The following CTNND2 variants were observed in gnomAD, a reference collection of about 807,000 sequenced individuals.
The protein encoded by CTNND2 is catenin delta-2.
A neutral mutation model predicts 144.4 loss-of-function variants in CTNND2; 22 were observed. That is an observed-to-expected ratio of 0.15 (90% CI 0.11 to 0.22). The LOEUF is 0.22. Among genes scored for constraint, CTNND2 ranks in the 10% least tolerant of loss-of-function variants. The pLI, the probability that CTNND2 is intolerant of heterozygous loss-of-function variation, is 1.00. For synonymous variants in CTNND2, 751 were observed against 695.6 expected (o/e 1.08, Z -1.25); for missense variants, 1,353 against 1,618.8 (o/e 0.84, Z 2.82).
intron 9 of CTNND2, among the ~76,000 whole-genome samples, chr5:11,318,183 C>A (rs1751694622): frequency 6.6e-6 from 1 of 152,102 alleles, no homozygotes; most frequent in South Asian, 2.1e-4. Flanking sequence ...GAACCACCAC[C>A]TTCCCTCTGT....
intron 7 of CTNND2, among the ~76,000 whole-genome samples, chr5:11,368,059 G>A (rs1342840747): frequency 1.3e-5 from 2 of 152,104 alleles, no homozygotes; most frequent in African/African-American, 2.4e-5. Flanking sequence ...TATACAATGC[G>A]TTTCTGAAAA....
chr5:11,286,067 T>A (rs1261637745), intron 9 of CTNND2, among the ~76,000 whole-genome samples: 3 of 150,868 alleles, frequency 2.0e-5, no homozygotes, highest in African/African-American at 2.4e-5. Context: ...AAAAAACAGA[T>A]CCCTACCTCA....
intron 9 of CTNND2, among the ~76,000 whole-genome samples, chr5:11,332,486 A>G (rs1753278906): frequency 1.3e-5 from 2 of 152,144 alleles, no homozygotes; most frequent in Admixed American, 1.3e-4. Context: ...GGTAAAATAT[A>G]CATAACATAA....
chr5:11,317,275 C>T (rs1751610481), intron 9 of CTNND2, among the ~76,000 whole-genome samples: 1 of 152,178 alleles, frequency 6.6e-6, no homozygotes, highest in East Asian at 1.9e-4. Context: ...CTCAGTCTTA[C>T]CCTAGATACC....
At chr5:11,676,777 T>C (rs967343957) in intron 2 of CTNND2, among the ~76,000 whole-genome samples, 2 of 152,210 alleles carry the variant, frequency 1.3e-5, no homozygotes, top group African/African-American at 4.8e-5. Context: ...TTTTACGTTC[T>C]ACTGCAGTTC....
At chr5:11,718,881 T>C (rs530209450) in intron 2 of CTNND2, among the ~76,000 whole-genome samples, 16 of 152,266 alleles carry the variant, frequency 1.1e-4, no homozygotes, top group African/African-American at 2.2e-4. Context: ...AGATTCACCA[T>C]TGGATTTCCT....
intron 16 of CTNND2, among the ~76,000 whole-genome samples, chr5:11,060,241 T>C (rs1218045034): frequency 6.6e-6 from 1 of 152,172 alleles, no homozygotes; most frequent in East Asian, 1.9e-4. Context: ...TTTCCATTCA[T>C]TTTCATTATA....
chr5:11,805,519 A>G (rs1402766134), intron 1 of CTNND2, among the ~76,000 whole-genome samples: 1 of 150,424 alleles, frequency 6.6e-6, no homozygotes, highest in Non-Finnish European at 1.5e-5. Flanking sequence ...ATAAGGAAGT[A>G]CAAATAAATA....
chr5:11,010,973 C>T (rs1364676124), intron 18 of CTNND2, among the ~76,000 whole-genome samples: 2 of 152,218 alleles, frequency 1.3e-5, no homozygotes, highest in Non-Finnish European at 2.9e-5. Flanking sequence ...TATGATCTTA[C>T]TCTGTTTCAA....
chr5:11,799,680 G>A (rs7714587), intron 1 of CTNND2, among the ~76,000 whole-genome samples: 129,307 of 152,074 alleles, frequency 0.85, 57,162 homozygotes, highest in Non-Finnish European at 0.97. Context: ...TGGATAAAGA[G>A]GGAGAAGTTT....
chr5:11,226,956 G>A (rs1740424590), intron 10 of CTNND2, among the ~76,000 whole-genome samples: 1 of 152,176 alleles, frequency 6.6e-6, no homozygotes, highest in African/African-American at 2.4e-5. Flanking sequence ...GGGTCTATAT[G>A]TTGCTTTATG....
At chr5:11,809,779 G>C (rs946415024) in intron 1 of CTNND2, among the ~76,000 whole-genome samples, 4 of 152,200 alleles carry the variant, frequency 2.6e-5, no homozygotes, top group African/African-American at 9.6e-5. Flanking sequence ...CTAGTCTCTT[G>C]TCAAATGCAT....
In CTNND2 at chr5:11,790,043, T is replaced by TTGCAACAAAACATGCTTTGCTATA. The variant is rs1791050895; in HGVS notation, c.38-57795_38-57772dup. On this transcript the variant is annotated intron_variant, in intron 1 of 21. Transcript: ENST00000304623. ...CTAATATTGAGCCATCCTTGCATATTTGCAACAAAACATGCTTTGCTATAA... is the reference window on the plus strand; with the variant it reads ...CTAATATTGAGCCATCCTTGCATATTTGCAACAAAACATGCTTTGCTATATGCAACAAAACATGCTTTGCTATAA... Among the ~76,000 whole-genome samples, 4 of 152,310 alleles carry TTGCAACAAAACATGCTTTGCTATA rather than the reference T, an allele frequency of 2.6e-5. No individual in the cohort carries two copies. The East Asian group carries it at 7.7e-4, about 29-fold the overall frequency.
rs10057877 is a variant in CTNND2 at position 11,372,544 on chromosome 5, T to C, written c.1178-7654A>G. On this transcript the variant is annotated intron_variant, in intron 7 of 21. Coordinates refer to ENST00000304623, the MANE Select transcript of CTNND2 (RefSeq NM_001332.4). ...CGGCTTCAACTTAACAAAGAACCGGTAGGAACCTATGGCTAAGGTGGTACT... is the reference window on the plus strand; with the variant it reads ...CGGCTTCAACTTAACAAAGAACCGGCAGGAACCTATGGCTAAGGTGGTACT... 4.7e-3 allele frequency among the ~76,000 whole-genome samples: 711 copies of C among 152,098 alleles called. 6 individuals are homozygous for C. The highest frequency in any genetic ancestry group is 0.016 in the African/African-American group (684 of 41,480).
At chr5:11,825,420 A>T (rs1364434539) in intron 1 of CTNND2, among the ~76,000 whole-genome samples, 2 of 152,166 alleles carry the variant, frequency 1.3e-5, no homozygotes, top group Non-Finnish European at 2.9e-5. Flanking sequence ...AAAAGAATTT[A>T]AAAAATTAAA....
chr5:11,733,334 C>T (rs1271972347), intron 1 of CTNND2, among the ~76,000 whole-genome samples: 3 of 151,984 alleles, frequency 2.0e-5, no homozygotes, highest in African/African-American at 4.8e-5. Context: ...TAGTGTCGGA[C>T]TGATAGAGTA....
chr5:11,205,989 T>G (rs1738001333), intron 10 of CTNND2, among the ~76,000 whole-genome samples: 1 of 152,220 alleles, frequency 6.6e-6, no homozygotes, highest in South Asian at 2.1e-4. Context: ...TAGGTTGTTT[T>G]CAGGACTGAA....
chr5:11,077,388 G>A (rs963453744), intron 16 of CTNND2, among the ~76,000 whole-genome samples: 6 of 152,282 alleles, frequency 3.9e-5, no homozygotes, highest in South Asian at 2.1e-4. Context: ...TGGGAAAGAC[G>A]TGAGTGAGGT....
intron 3 of CTNND2, among the ~76,000 whole-genome samples, chr5:11,518,475 C>G (rs1038935363): frequency 1.3e-5 from 2 of 152,204 alleles, no homozygotes; most frequent in African/African-American, 2.4e-5. Flanking sequence ...ATAAATTGAG[C>G]GTAGCCTAAG....
Sources: gnomAD v4.1 joint callset for allele counts (sites outside exome capture counted in the v4.1 genomes callset) on GRCh38, gnomAD v4.1.1 for gene constraint, MANE v1.5 for transcripts, NCBI Gene and HGNC (gene_info 2026-07-23, HGNC 2026-07-21) for gene names.